Variants in KCNG2 observed in about 807,000 individuals in gnomAD.
The protein encoded by KCNG2 is voltage-gated potassium channel regulatory subunit KCNG2.
Under a neutral mutation model 12.3 loss-of-function variants are expected in KCNG2, and 7 were observed. The ratio of observed to expected loss-of-function variants is 0.57; its 90% CI spans 0.32 to 1.07. The LOEUF is 1.07. Among genes scored for constraint, KCNG2 ranks in the 50% least tolerant of loss-of-function variants. The pLI, the probability that KCNG2 is intolerant of heterozygous loss-of-function variation, is 0.04. For missense variants in KCNG2, 703 were observed against 726.0 expected (o/e 0.97, Z 0.36); for synonymous variants, 414 against 351.4 (o/e 1.18, Z -1.99).
intron 1 of KCNG2, among the ~76,000 whole-genome samples, chr18:79,819,654 A>G (rs565473721): frequency 4.6e-5 from 7 of 152,350 alleles, no homozygotes; most frequent in South Asian, 2.1e-4. Flanking sequence ...AGGCTGCAAT[A>G]GAGGCCGTCC....
chr18:79,862,244 C>G (rs1036300515), intron 2 of KCNG2, among the ~76,000 whole-genome samples: 6 of 152,194 alleles, frequency 3.9e-5, no homozygotes, highest in African/African-American at 1.4e-4. Context: ...AAATCAGACT[C>G]TCCCCTCTCC....
chr18:79,817,618 C>T (rs938968118), intron 1 of KCNG2, among the ~76,000 whole-genome samples: 13 of 152,176 alleles, frequency 8.5e-5, no homozygotes, highest in Admixed American at 2.6e-4. Flanking sequence ...GTCACACACG[C>T]GGGTTGTCAC....
rs1158787023 is a variant in KCNG2 at position 79,899,618 on chromosome 18, C to T, written c.1203C>T (p.Val401=). 6.3e-7 allele frequency: 1 copy of T among 1,599,832 alleles called. No homozygotes were observed. The highest frequency in any genetic ancestry group is 2.3e-5 in the East Asian group (1 of 44,232). Residue 401 remains valine (V), a synonymous_variant, in exon 4 of 4, where the codon GTC becomes GTT. Transcript: ENST00000316249. ...LSGILLMAFP[V]TSIFHTFSRS... ...GCATCCTGCTCATGGCCTTCCCGGT[C>T]ACCTCCATCTTCCACACCTTTTCGC...
chr18:79,862,274 C>CTG (rs1568260098), intron 2 of KCNG2, among the ~76,000 whole-genome samples: 1 of 152,154 alleles, frequency 6.6e-6, no homozygotes, highest in African/African-American at 2.4e-5. Flanking sequence ...TTTGTAGCTA[C>CTG]TGTGGTTTGT....
chr18:79,895,697 CTG>C lies in KCNG2; in HGVS notation c.625-3339_625-3338del, dbSNP rs1251749002. On this transcript the variant is annotated intron_variant, in intron 3 of 3. Transcript: ENST00000316249. ...AATGTTACGATTGATATAGTTGAGT[CTG>C]TGTCTGCTTTTGATTGGGTTGTTCA... Among the ~76,000 whole-genome samples, 26 of 151,896 alleles carry C rather than the reference CTG, an allele frequency of 1.7e-4. 1 individual carries two copies. Among genetic ancestry groups the C allele is most frequent in the African/African-American group, 6.0e-4 (25 of 41,416 alleles).
intron 1 of KCNG2, among the ~76,000 whole-genome samples, chr18:79,840,646 A>G (rs1426463470): frequency 1.3e-5 from 2 of 152,216 alleles, no homozygotes; most frequent in Non-Finnish European, 2.9e-5. Flanking sequence ...TTATTTGGAA[A>G]AGAAGAATAA....
intron 3 of KCNG2, among the ~76,000 whole-genome samples, chr18:79,882,749 GCTGCCGTGGAGCGCGGAGGCCGGGTACAC>G (rs1421504014): frequency 3.5e-5 from 5 of 140,870 alleles, no homozygotes; most frequent in Non-Finnish European, 3.2e-5. Flanking sequence ...GAGTGGCGAG[GCTGCCGTGGAGCGCGGAGGCCGGGTACAC>G]CTGCGCGTGG....
At chr18:79,852,631 C>T (rs994288759) in intron 1 of KCNG2, among the ~76,000 whole-genome samples, 3 of 152,250 alleles carry the variant, frequency 2.0e-5, no homozygotes, top group South Asian at 2.1e-4. Flanking sequence ...CGAAGATCAC[C>T]GTTGTCCATG....
In KCNG2 at chr18:79,864,174, C is replaced by T. The variant is rs762349404; in HGVS notation, c.507C>T (p.Asn169=). ...GRRRLRDVVD[N]PHSGLAGKLF... is the part of the protein sequence containing the mutation. The stretch of plus-strand genomic sequence containing the variant: ...GGCGCCTGCGCGACGTGGTGGACAA[C>T]CCGCACTCGGGGCTGGCGGGCAAGC... The change falls in exon 3 of 4, where the codon AAC becomes AAT. Residue 169 remains asparagine (N), a synonymous_variant. Transcript: ENST00000316249. 5.3e-6 allele frequency: 8 copies of T among 1,513,022 alleles called. No individual in the cohort carries two copies. The South Asian group carries it at 9.4e-5, about 18-fold the overall frequency. 93.7% of individuals were successfully genotyped at this position (1,513,022 alleles called of 1,614,324 possible).
At position 79,822,683 on chromosome 18, in the gene KCNG2, G is replaced by A. The variant is rs986790670; in HGVS notation, c.-115+24669G>A. ...TGACCTCAAGGGATCCACCCACCCC[G>A]GCCTCCAAAGTGCTGAGATCACAGG... On this transcript the variant is annotated intron_variant, in intron 1 of 3. Coordinates refer to ENST00000316249, the MANE Select transcript of KCNG2 (RefSeq NM_012283.2). This position sits in a 1 kb window ranked among gnomAD's most constrained non-coding sequence, Gnocchi z 4.4. Among the ~76,000 whole-genome samples, 5 of 152,084 alleles carry A rather than the reference G, an allele frequency of 3.3e-5. No individual in the cohort carries two copies. The highest frequency in any genetic ancestry group is 2.1e-4 in the South Asian group (1 of 4,814).
chr18:79,850,402 T>A (rs1285132324), intron 1 of KCNG2, among the ~76,000 whole-genome samples: 1 of 152,240 alleles, frequency 6.6e-6, no homozygotes, highest in African/African-American at 2.4e-5. Flanking sequence ...TCTTTAGCAA[T>A]TTTGTATTTA....
At chr18:79,815,847 C>T (rs930942464) in intron 1 of KCNG2, among the ~76,000 whole-genome samples, 2 of 152,226 alleles carry the variant, frequency 1.3e-5, no homozygotes, top group African/African-American at 4.8e-5. Flanking sequence ...CCCGATGGCA[C>T]CCACCGCCCT....
At chr18:79,801,062 G>A (rs1448813942) in intron 1 of KCNG2, among the ~76,000 whole-genome samples, 1 of 152,184 alleles carries the variant, frequency 6.6e-6, no homozygotes, top group Non-Finnish European at 1.5e-5. Flanking sequence ...GTCCGGGGCG[G>A]CCAAGAGATG....
intron 1 of KCNG2, among the ~76,000 whole-genome samples, chr18:79,826,855 C>T (rs1446550012): frequency 2.0e-5 from 3 of 152,160 alleles, no homozygotes; most frequent in African/African-American, 4.8e-5. Flanking sequence ...TACGTCATTA[C>T]GTTCAGTGAA....
intron 1 of KCNG2, among the ~76,000 whole-genome samples, chr18:79,829,651 G>A (rs184457055): frequency 5.9e-5 from 9 of 152,220 alleles, no homozygotes; most frequent in African/African-American, 1.2e-4. Context: ...CCTCACACCG[G>A]TCAGCCTCTG....
At chr18:79,861,273 CTTTTTTTTTT>C (rs56348625) in intron 2 of KCNG2, among the ~76,000 whole-genome samples, 1 of 76,972 alleles carries the variant, frequency 1.3e-5, no homozygotes, top group Non-Finnish European at 2.5e-5. Flanking sequence ...CTCTCTCTCT[CTTTTTTTTTT>C]TTTTTTTTTT....
At chr18:79,819,233 A>C (rs955901256) in intron 1 of KCNG2, among the ~76,000 whole-genome samples, 9 of 152,158 alleles carry the variant, frequency 5.9e-5, no homozygotes. Context: ...CTGCAGAGAC[A>C]CCAGGCAGGC....
chr18:79,810,408 G>A (rs901474214), intron 1 of KCNG2, among the ~76,000 whole-genome samples: 1 of 152,164 alleles, frequency 6.6e-6, no homozygotes, highest in African/African-American at 2.4e-5. Context: ...CCCAGCTTTG[G>A]TCCCATCTCA....
At chr18:79,852,885 G>A (rs141393921) in intron 1 of KCNG2, among the ~76,000 whole-genome samples, 12 of 152,384 alleles carry the variant, frequency 7.9e-5, no homozygotes, top group African/African-American at 2.2e-4. Context: ...AGCAATGTCC[G>A]TGTGGGGATG....
Sources: allele counts gnomAD v4.1 joint callset (sites outside exome capture counted in the v4.1 genomes callset), GRCh38; gene constraint gnomAD v4.1.1; non-coding constraint Gnocchi (gnomAD v3.1); transcripts MANE v1.5; gene names NCBI Gene and HGNC (gene_info 2026-07-23, HGNC 2026-07-21).